PSD3: variants seen among roughly 807,000 people sequenced by gnomAD.
The protein encoded by PSD3 is pleckstrin and Sec7 domain containing 3, also known as PH and SEC7 domain-containing protein 3.
In PSD3, 49 loss-of-function variants were observed where a neutral mutation model predicts 105.5. That is an observed-to-expected ratio of 0.46 (90% CI 0.37 to 0.59). PSD3 has a LOEUF of 0.59. Among genes scored for constraint, PSD3 ranks in the 20% least tolerant of loss-of-function variants. The pLI is 0.00. For synonymous variants in PSD3, 557 were observed against 457.8 expected, an observed-to-expected ratio of 1.22 and a Z score of -2.77; for missense variants, 1,561 against 1,263.8, an observed-to-expected ratio of 1.24 and a Z score of -3.57.
intron 2 of PSD3, among the ~76,000 whole-genome samples, chr8:18,912,840 C>T (rs1334746600): frequency 2.6e-5 from 4 of 152,112 alleles, no homozygotes; most frequent in Non-Finnish European, 5.9e-5. Context: ...TCCCAAAAAA[C>T]ATTTTCATGC....
At chr8:18,929,655 C>G in intron 2 of PSD3, among the ~76,000 whole-genome samples, 1 of 152,136 alleles carries the variant, frequency 6.6e-6, no homozygotes, top group South Asian at 2.1e-4. Flanking sequence ...CTCCACCTGT[C>G]TATATCTGGG....
At chr8:18,738,320 T>G (rs1186319426) in intron 9 of PSD3, among the ~76,000 whole-genome samples, 2 of 152,096 alleles carry the variant, frequency 1.3e-5, no homozygotes, top group Non-Finnish European at 1.5e-5. Context: ...CTTAAACAAC[T>G]CACTATCTCT....
chr8:18,905,767 G>A (rs1391777963), intron 2 of PSD3, among the ~76,000 whole-genome samples: 4 of 151,920 alleles, frequency 2.6e-5, no homozygotes, highest in African/African-American at 7.3e-5. Context: ...AAGTCAAAAG[G>A]TATTCATTAT....
chr8:18,991,841 G>A lies in PSD3; in HGVS notation c.21+21722C>T, dbSNP rs563773440. On this transcript the variant is annotated intron_variant, in intron 1 of 15. Transcript: ENST00000327040. The stretch of plus-strand genomic sequence containing the variant: ...TGACTAAATTATCAAAATAATGGCT[G>A]TGCTTTTATTGAATATTTACAATGC... Among the ~76,000 whole-genome samples, 19 of 152,274 alleles carry A rather than the reference G, an allele frequency of 1.2e-4. No homozygotes were observed. The East Asian group carries it at 3.3e-3, about 26-fold the overall frequency.
intron 2 of PSD3, among the ~76,000 whole-genome samples, chr8:18,892,971 G>A (rs565104548): frequency 6.6e-6 from 1 of 152,240 alleles, no homozygotes; most frequent in East Asian, 1.9e-4. Context: ...GATTCAGAAT[G>A]TAATCAAAAT....
chr8:18,603,821 G>C (rs1033159934), intron 11 of PSD3, among the ~76,000 whole-genome samples: 8 of 152,124 alleles, frequency 5.3e-5, no homozygotes, highest in Admixed American at 5.2e-4. Flanking sequence ...TCCTTCTCTG[G>C]CCATTTGAAG....
At chr8:18,752,518 T>C (rs1307513607) in intron 9 of PSD3, among the ~76,000 whole-genome samples, 1 of 66,560 alleles carries the variant, frequency 1.5e-5, no homozygotes, top group Non-Finnish European at 2.4e-5. Context: ...ATAATATATG[T>C]AATATATATA....
rs1491425890 is a variant in PSD3 at position 19,074,612 on chromosome 8, T to TATATATATATA, written c.324+9593_324+9594insTATATATATAT. 5.0e-3 allele frequency among the ~76,000 whole-genome samples: 54 copies of TATATATATATA among 10,856 alleles called. 1 individual carries two copies. Among genetic ancestry groups the TATATATATATA allele is most frequent in the South Asian group, 0.013 (3 of 240 alleles). The allele number at this position is 10,856 out of a possible 152,430, so 7.1% of individuals were successfully genotyped here. A position where few individuals can be genotyped will look rare whatever the true frequency, so the allele number is the denominator to read the frequency against. ...ATATACATATATATATATATATATATTTTTTTTTTTTTTTTTTTTTTTTTT... is the reference window on the plus strand; with the variant it reads ...ATATACATATATATATATATATATATATATATATATATTTTTTTTTTTTTTTTTTTTTTTTT... On this transcript the variant is annotated intron_variant, in intron 1 of 1. Coordinates refer to the PSD3 transcript ENST00000521475.
At chr8:18,910,057 C>T (rs1300888428) in intron 2 of PSD3, among the ~76,000 whole-genome samples, 1 of 152,138 alleles carries the variant, frequency 6.6e-6, no homozygotes, top group Admixed American at 6.5e-5. Flanking sequence ...TCGCTCCCCT[C>T]CCTGAATGCC....
chr8:18,540,706 G>C (rs985675810), intron 15 of PSD3, among the ~76,000 whole-genome samples: 2 of 152,058 alleles, frequency 1.3e-5, no homozygotes, highest in African/African-American at 4.8e-5. Context: ...CCCTCCACGT[G>C]CACTCCTTTC....
At chr8:18,760,010 GA>G (rs1456933624) in intron 9 of PSD3, among the ~76,000 whole-genome samples, 2 of 150,202 alleles carry the variant, frequency 1.3e-5, no homozygotes, top group Non-Finnish European at 2.9e-5. Flanking sequence ...TTACAAACAA[GA>G]ACAAGGGTTT....
chr8:18,658,749 G>A (rs1809087895), intron 9 of PSD3, among the ~76,000 whole-genome samples: 1 of 151,982 alleles, frequency 6.6e-6, no homozygotes, highest in Non-Finnish European at 1.5e-5. Flanking sequence ...ACTTTCAAAT[G>A]TCAAATACCT....
At chr8:18,587,329 G>C (rs1563350693) in intron 12 of PSD3, among the ~76,000 whole-genome samples, 1 of 152,116 alleles carries the variant, frequency 6.6e-6, no homozygotes. Flanking sequence ...AATTCCTTGA[G>C]GGAAGAAAAC....
Position 18,752,603 on chromosome 8 carries a change from TATATAATACATATAA to T in PSD3, c.2172+12831_2172+12845del, listed in dbSNP as rs1805672233. On this transcript the variant is annotated intron_variant, in intron 9 of 15. Transcript: ENST00000327040. ...TATATATATTATATATTATATATTATATATAATACATATAATATATATTATATATAATATATATAA... is the reference window on the plus strand; with the variant it reads ...TATATATATTATATATTATATATTATTATATATTATATATAATATATATAA... Among the ~76,000 whole-genome samples the T allele has an allele frequency of 3.4e-5, 3 of 87,182 alleles. No individual in the cohort carries two copies. The Admixed American group carries it at 6.0e-4, about 17-fold the overall frequency. The allele number at this position is 87,182 out of a possible 152,430, so 57.2% of individuals were successfully genotyped here.
At chr8:19,053,683 T>C (rs1018017299) in intron 1 of PSD3, among the ~76,000 whole-genome samples, 1 of 151,792 alleles carries the variant, frequency 6.6e-6, no homozygotes, top group African/African-American at 2.4e-5. Flanking sequence ...TCCCAGCTAC[T>C]CAGGAGGCTG....
chr8:18,949,603 G>A (rs889417876), intron 1 of PSD3, among the ~76,000 whole-genome samples: 4 of 152,024 alleles, frequency 2.6e-5, no homozygotes, highest in Non-Finnish European at 4.4e-5. Context: ...CTGAAGTCAG[G>A]TCACTCAGTG....
At chr8:18,881,751 A>C (rs1818118497) in intron 2 of PSD3, among the ~76,000 whole-genome samples, 1 of 152,120 alleles carries the variant, frequency 6.6e-6, no homozygotes, top group African/African-American at 2.4e-5. Context: ...TTTGTCTTGT[A>C]TTGTTTTGTT....
At chr8:19,066,403 T>G (rs942760802) in intron 1 of PSD3, among the ~76,000 whole-genome samples, 2 of 152,230 alleles carry the variant, frequency 1.3e-5, no homozygotes, top group African/African-American at 2.4e-5. Context: ...GAAAGTAGCT[T>G]GTTTTTTCTT....
At chr8:18,780,122 AT>A (rs1333002614) in intron 8 of PSD3, among the ~76,000 whole-genome samples, 2 of 152,152 alleles carry the variant, frequency 1.3e-5, no homozygotes, top group Admixed American at 6.5e-5. Context: ...GCGCACAAAT[AT>A]TTAGAATTGT....
Sources: gnomAD v4.1 joint callset for allele counts (sites outside exome capture counted in the v4.1 genomes callset) on GRCh38, gnomAD v4.1.1 for gene constraint, MANE v1.5 for transcripts, NCBI Gene and HGNC (gene_info 2026-07-23, HGNC 2026-07-21) for gene names.